Variants in RUNX2 observed in about 807,000 individuals in gnomAD.
RUNX2 encodes RUNX family transcription factor 2.
A neutral mutation model predicts 51.7 loss-of-function variants in RUNX2; 10 were observed. The ratio of observed to expected loss-of-function variants is 0.19; its 90% CI spans 0.12 to 0.33. The LOEUF is 0.33. Among genes scored for constraint, RUNX2 ranks in the 10% least tolerant of loss-of-function variants. RUNX2 has a pLI of 1.00. For missense variants in RUNX2, 562 were observed against 691.3 expected (o/e 0.81, Z 2.10); for synonymous variants, 276 against 273.6 (o/e 1.01, Z -0.09).
chr6:45,379,491 C>T (rs959181455), intron 2 of RUNX2, among the ~76,000 whole-genome samples: 5 of 152,204 alleles, frequency 3.3e-5, no homozygotes, highest in African/African-American at 1.2e-4. Flanking sequence ...TCACCTGCAT[C>T]AGATGAGTAC....
At chr6:45,381,091 A>C (rs1797231696) in intron 2 of RUNX2, among the ~76,000 whole-genome samples, 1 of 152,230 alleles carries the variant, frequency 6.6e-6, no homozygotes, top group African/African-American at 2.4e-5. Flanking sequence ...CATATTGTTT[A>C]GAACCGTATA....
chr6:45,499,166 T>C lies in RUNX2; in HGVS notation c.859+7052T>C, dbSNP rs76138776. ...TGAAGTCACTGCATTGAAAGACAGA[T>C]TGTTGGAAGTGGTTCTTTTTTACTT... On this transcript the variant is annotated intron_variant, in intron 6 of 8. Transcript: ENST00000647337. Among the ~76,000 whole-genome samples, 1,361 of 152,256 alleles carry C rather than the reference T, an allele frequency of 8.9e-3. 18 individuals are homozygous for C. The highest frequency in any genetic ancestry group is 0.031 in the African/African-American group (1,268 of 41,544).
At chr6:45,509,932 G>C (rs573440316) in intron 6 of RUNX2, among the ~76,000 whole-genome samples, 17 of 152,344 alleles carry the variant, frequency 1.1e-4, no homozygotes, top group Admixed American at 6.5e-4. Flanking sequence ...CCAAATTTGA[G>C]TCCTGTGTAC....
chr6:45,440,941 T>C (rs753926917), intron 5 of RUNX2, among the ~76,000 whole-genome samples: 21 of 152,168 alleles, frequency 1.4e-4, no homozygotes, highest in Non-Finnish European at 2.6e-4. Flanking sequence ...CCACTAAAAT[T>C]TTACTTATAA....
chr6:45,518,778 T>C (rs1465581997), intron 7 of RUNX2, among the ~76,000 whole-genome samples: 3 of 152,160 alleles, frequency 2.0e-5, no homozygotes, highest in Non-Finnish European at 2.9e-5. Context: ...TGGTTATATA[T>C]TTTATTGAGG....
At chr6:45,476,497 C>T (rs937324946) in intron 5 of RUNX2, among the ~76,000 whole-genome samples, 2 of 152,162 alleles carry the variant, frequency 1.3e-5, no homozygotes, top group Non-Finnish European at 2.9e-5. Context: ...ATTTTGCCTA[C>T]TCTCTGGCCT....
In RUNX2 at chr6:45,547,211, A is replaced by G. The variant is rs1802429545; in HGVS notation, c.1472A>G (p.Asn491Ser). The G allele has an allele frequency of 6.2e-7, 1 of 1,614,150 alleles. No individual in the cohort carries two copies. The highest frequency in any genetic ancestry group is 1.1e-5 in the South Asian group (1 of 91,082). Residue 491 changes from asparagine (N) to serine (S), a missense_variant, in exon 9 of 9, where the codon AAT becomes AGT. Asn to Ser is a conservative substitution (Grantham distance 46). Around this residue, in one of 5 missense-constraint regions of RUNX2, gnomAD observed 304 missense variants for 353.2 expected, o/e 0.86. Transcript: ENST00000647337. Reference protein sequence around the residue: ...TLLNPNLPNQNDGVDADGSHS... With the variant: ...TLLNPNLPNQSDGVDADGSHS... ...TTAAATCCAAATTTGCCTAACCAGA[A>G]TGATGGTGTTGACGCTGATGGAAGC...
intron 2 of RUNX2, among the ~76,000 whole-genome samples, chr6:45,413,535 A>G (rs1414338651): frequency 1.5e-5 from 2 of 130,808 alleles, no homozygotes; most frequent in Admixed American, 1.9e-4. Flanking sequence ...GGTTCAAGTG[A>G]TTCTCCTGCC....
intron 2 of RUNX2, among the ~76,000 whole-genome samples, chr6:45,362,042 G>A (rs191728214): frequency 1.1e-3 from 172 of 152,166 alleles, no homozygotes; most frequent in African/African-American, 3.9e-3. Flanking sequence ...AACAAAGCTA[G>A]ATTCCTCTCA....
intron 2 of RUNX2, among the ~76,000 whole-genome samples, chr6:45,420,909 A>C (rs1337623833): frequency 2.6e-5 from 4 of 152,202 alleles, no homozygotes; most frequent in Non-Finnish European, 1.5e-5. Context: ...ATAAACCACA[A>C]AAACCTAATC....
At chr6:45,494,902 G>A (rs1800600824) in intron 6 of RUNX2, among the ~76,000 whole-genome samples, 1 of 152,172 alleles carries the variant, frequency 6.6e-6, no homozygotes, top group Admixed American at 6.5e-5. Context: ...TGTAGTTGAA[G>A]AGATAGTTAT....
At chr6:45,492,315 A>C (rs917561055) in intron 6 of RUNX2, among the ~76,000 whole-genome samples, 8 of 152,196 alleles carry the variant, frequency 5.3e-5, no homozygotes, top group Middle Eastern at 3.4e-3. Context: ...ATTTTGGGGG[A>C]TATTTCTACT....
At chr6:45,386,655 C>T (rs1020667416) in intron 2 of RUNX2, among the ~76,000 whole-genome samples, 1 of 152,092 alleles carries the variant, frequency 6.6e-6, no homozygotes. Flanking sequence ...TCATTATTGT[C>T]GTTACTGTTG....
intron 3 of RUNX2, among the ~76,000 whole-genome samples, chr6:45,430,874 G>T (rs1207696743): frequency 6.6e-6 from 1 of 152,142 alleles, no homozygotes; most frequent in African/African-American, 2.4e-5. Flanking sequence ...TGAGAGAAGG[G>T]ATTGTTACCA....
chr6:45,470,481 T>A (rs1799765011), intron 5 of RUNX2, among the ~76,000 whole-genome samples: 1 of 152,188 alleles, frequency 6.6e-6, no homozygotes, highest in South Asian at 2.1e-4. Flanking sequence ...ACTGGGAAGT[T>A]AAGCATCTGC....
intron 5 of RUNX2, among the ~76,000 whole-genome samples, chr6:45,448,401 C>A (rs1400433861): frequency 6.6e-6 from 1 of 152,192 alleles, no homozygotes; most frequent in Non-Finnish European, 1.5e-5. Flanking sequence ...CTCAGAACCA[C>A]AAGAGCTGTC....
At chr6:45,507,186 G>A (rs1254450021) in intron 6 of RUNX2, among the ~76,000 whole-genome samples, 1 of 152,088 alleles carries the variant, frequency 6.6e-6, no homozygotes, top group East Asian at 1.9e-4. Flanking sequence ...GATTTGAAAA[G>A]ACACACCATC....
chr6:45,436,741 A>C (rs1798696082), intron 4 of RUNX2, among the ~76,000 whole-genome samples: 2 of 152,162 alleles, frequency 1.3e-5, no homozygotes, highest in South Asian at 4.1e-4. Flanking sequence ...CTTGTATATA[A>C]CCTGTTCCAT....
chr6:45,520,789 C>T (rs750640934), intron 7 of RUNX2, among the ~76,000 whole-genome samples: 5 of 151,290 alleles, frequency 3.3e-5, no homozygotes, highest in Admixed American at 2.0e-4. Flanking sequence ...GGTGTGATCT[C>T]GGCTCACTAC....
Sources: allele counts gnomAD v4.1 joint callset (sites outside exome capture counted in the v4.1 genomes callset), GRCh38; gene constraint gnomAD v4.1.1; regional missense constraint gnomAD v4.1.1; transcripts MANE v1.5; gene names NCBI Gene and HGNC (gene_info 2026-07-23, HGNC 2026-07-21).